UBASH3A: variants seen among roughly 807,000 people sequenced by gnomAD.
UBASH3A encodes the protein ubiquitin associated and SH3 domain containing A.
In UBASH3A, 63 loss-of-function variants were observed where a neutral mutation model predicts 73.5. The ratio of observed to expected loss-of-function variants is 0.86; its 90% CI spans 0.70 to 1.06. The LOEUF is 1.06. Among genes scored for constraint, UBASH3A ranks in the 50% least tolerant of loss-of-function variants. UBASH3A has a pLI of 0.00. For missense variants in UBASH3A, 860 were observed against 859.0 expected, an observed-to-expected ratio of 1.00 and a Z score of -0.02; for synonymous variants, 363 against 351.1, an observed-to-expected ratio of 1.03 and a Z score of -0.38.
Position 42,432,154 on chromosome 21 carries a change from G to C in UBASH3A, c.1222G>C (p.Asp408His). 6 of 1,613,788 alleles carry C rather than the reference G, an allele frequency of 3.7e-6. No homozygotes were observed. The highest frequency in any genetic ancestry group is 5.1e-6 in the Non-Finnish European group (6 of 1,179,852). Residue 408 changes from aspartate (D) to histidine (H), a missense_variant, in exon 9 of 15, where the codon GAT becomes CAT. Coordinates refer to ENST00000319294, the MANE Select transcript of UBASH3A (RefSeq NM_018961.4). ...VLVVRHGERV[D>H]QIFGKAWLQQ... ...GGTGGTTCGCCACGGGGAGAGAGTG[G>C]ATCAGATCTTCGGGAAGGCATGGCT... is the stretch of plus-strand genomic sequence containing the variant.
chr21:42,407,993 A>G (rs1489463750), intron 2 of UBASH3A, among the ~76,000 whole-genome samples: 1 of 152,252 alleles, frequency 6.6e-6, no homozygotes, highest in African/African-American at 2.4e-5. Flanking sequence ...ATGGTAGAGG[A>G]AAAATGCCAG....
chr21:42,429,448 C>G (rs997272503), intron 8 of UBASH3A, among the ~76,000 whole-genome samples: 4 of 152,154 alleles, frequency 2.6e-5, no homozygotes, highest in Admixed American at 1.3e-4. Flanking sequence ...TGTGGCAAAG[C>G]TCCACAGAAG....
chr21:42,404,654 C>T (rs1398637382), intron 1 of UBASH3A, among the ~76,000 whole-genome samples: 4 of 152,180 alleles, frequency 2.6e-5, no homozygotes, highest in Non-Finnish European at 4.4e-5. Flanking sequence ...CAAACTCTAA[C>T]GTGAAAGGCC....
At position 42,437,582 on chromosome 21, in the gene UBASH3A, TC is replaced by T; in HGVS notation, c.1486+3del. The T allele has an allele frequency of 6.2e-7, 1 of 1,614,010 alleles. No individual in the cohort carries two copies. The highest frequency in any genetic ancestry group is 1.3e-5 in the African/African-American group (1 of 75,032). On this transcript the variant is annotated splice_donor_region_variant and intron_variant, in intron 11 of 14. Transcript: ENST00000319294. ...AGACGGCCAAACTCATCCTGGAAGG[TC>T]AGTGAGAACCTCGGTGAGCCTCTCC...
At chr21:42,416,113 T>C (rs2053199508) in intron 5 of UBASH3A, among the ~76,000 whole-genome samples, 1 of 152,192 alleles carries the variant, frequency 6.6e-6, no homozygotes, top group Non-Finnish European at 1.5e-5. Flanking sequence ...AGCTCGGGCC[T>C]GCAAGTCCAG....
At chr21:42,443,104 G>A (rs958081404) in intron 12 of UBASH3A, 6 of 1,359,700 alleles carry the variant, frequency 4.4e-6, no homozygotes, top group African/African-American at 3.0e-5. Flanking sequence ...GAGCCCTCCT[G>A]GTGTTGAGTA....
chr21:42,416,760 C>T, intron 6 of UBASH3A, 149 bp downstream of exon 6: 2 of 799,562 alleles, frequency 2.5e-6, no homozygotes, highest in East Asian at 3.6e-5. Context: ...GGTGAAACCT[C>T]GTCTCTACTA....
intron 12 of UBASH3A, 107 bp downstream of exon 12, chr21:42,442,703 C>G (rs1601605516): frequency 8.0e-7 from 1 of 1,253,804 alleles, no homozygotes; most frequent in African/African-American, 1.5e-5. Flanking sequence ...CAAGAGGGAC[C>G]ACTGCAGTGG....
intron 8 of UBASH3A, among the ~76,000 whole-genome samples, chr21:42,429,037 C>T (rs566080084): frequency 3.3e-5 from 5 of 152,238 alleles, no homozygotes; most frequent in African/African-American, 9.6e-5. Context: ...GGCCCTAAAC[C>T]CCATCACAAG....
chr21:42,416,359 T>C (rs2053206451), intron 5 of UBASH3A, 83 bp from the exon 6 acceptor site: 2 of 1,415,878 alleles, frequency 1.4e-6, no homozygotes, highest in Non-Finnish European at 1.9e-6. Context: ...GCCCTTGCCT[T>C]GTGGAGGAAG....
At chr21:42,407,366 A>G (rs2086564302) in intron 2 of UBASH3A, among the ~76,000 whole-genome samples, 1 of 152,176 alleles carries the variant, frequency 6.6e-6, no homozygotes, top group Non-Finnish European at 1.5e-5. Context: ...CCTCCTCCAG[A>G]AAGTGTAGGC....
intron 11 of UBASH3A, among the ~76,000 whole-genome samples, chr21:42,439,360 C>T (rs955648484): frequency 2.0e-5 from 3 of 152,170 alleles, no homozygotes; most frequent in Non-Finnish European, 4.4e-5. Flanking sequence ...CAGGACCCCA[C>T]CCCTCTGCAC....
At position 42,413,810 on chromosome 21, in the gene UBASH3A, G is replaced by T. The variant is rs576658581; in HGVS notation, c.667+287G>T. Among the ~76,000 whole-genome samples, 4 of 152,178 alleles carry T rather than the reference G, an allele frequency of 2.6e-5. No homozygotes were observed. In the East Asian group the frequency reaches 7.7e-4, roughly 29 times the overall value. On this transcript the variant is annotated intron_variant, in intron 5 of 14. Coordinates refer to ENST00000319294, the MANE Select transcript of UBASH3A (RefSeq NM_018961.4). The surrounding 1 kb of genome is among the most constrained non-coding windows in gnomAD (Gnocchi z 4.5). ...AGTATGAGCTTAGTGCTCTCTCCTT[G>T]GCCTCTCCAGGGAAAGATTATTTAG... is the stretch of plus-strand genomic sequence containing the variant.
rs552187767 is a variant in UBASH3A, at chr21:42,418,437, G to C, written c.874G>C (p.Val292Leu). Residue 292 changes from valine to leucine, a missense_variant, in exon 7 of 15, where the codon GTG (valine) becomes CTG (leucine). Coordinates refer to ENST00000319294, the MANE Select transcript of UBASH3A (RefSeq NM_018961.4). ...CCTATTCCAGTACAAACCCCAGAAC[G>C]TGGATGAGCTGACGCTAAGTCCTGG... ...RALFQYKPQN[V>L]DELTLSPGDY... is the part of the protein sequence containing the mutation. 1.2e-6 allele frequency: 2 copies of C among 1,614,196 alleles called. No homozygotes were observed. Among genetic ancestry groups the C allele is most frequent in the Non-Finnish European group, 1.7e-6 (2 of 1,180,036 alleles).
chr21:42,440,992 T>C (rs2053730774), intron 11 of UBASH3A, among the ~76,000 whole-genome samples: 1 of 152,242 alleles, frequency 6.6e-6, no homozygotes, highest in Non-Finnish European at 1.5e-5. Flanking sequence ...CTTTCAAAAA[T>C]GTCTTTTGCC....
Position 42,444,596 on chromosome 21 carries a change from G to A in UBASH3A, c.1801G>A (p.Gly601Arg), listed in dbSNP as rs111279809. Reference protein sequence around the residue: ...TLDSCTRPLLGLPPRECGDFA... With the variant: ...TLDSCTRPLLRLPPRECGDFA... ...GGACTCCTGCACGCGGCCACTGCTCGGGCTGCCGCCCCGGGAATGTGGGGA... is the reference window on the plus strand; with the variant it reads ...GGACTCCTGCACGCGGCCACTGCTCAGGCTGCCGCCCCGGGAATGTGGGGA... The change falls in exon 14 of 15, where the codon GGG becomes AGG. Residue 601 changes from glycine to arginine, a missense_variant. Gly to Arg is a moderately radical substitution (Grantham distance 125). Coordinates refer to ENST00000319294, the MANE Select transcript of UBASH3A (RefSeq NM_018961.4). 57 of 1,614,180 alleles carry A rather than the reference G, an allele frequency of 3.5e-5. No individual in the cohort carries two copies. The highest frequency in any genetic ancestry group is 1.2e-4 in the African/African-American group (9 of 75,060).
chr21:42,422,634 A>G (rs1198972758), intron 7 of UBASH3A, among the ~76,000 whole-genome samples: 1 of 152,278 alleles, frequency 6.6e-6, no homozygotes, highest in African/African-American at 2.4e-5. Context: ...AAATTAAATT[A>G]TGACACATCC....
At chr21:42,440,052 C>T (rs1177622222) in intron 11 of UBASH3A, among the ~76,000 whole-genome samples, 1 of 152,030 alleles carries the variant, frequency 6.6e-6, no homozygotes, top group East Asian at 1.9e-4. Flanking sequence ...CACATACACC[C>T]CTTGGGGTTT....
At chr21:42,422,755 G>A (rs34122383) in intron 7 of UBASH3A, among the ~76,000 whole-genome samples, 14,182 of 152,168 alleles carry the variant, frequency 0.093, 804 homozygotes, top group East Asian at 0.28. Context: ...GTTGCAGAAC[G>A]ATGTGTATGG....
Sources: gnomAD v4.1 joint callset for allele counts (sites outside exome capture counted in the v4.1 genomes callset) on GRCh38, gnomAD v4.1.1 for gene constraint, Gnocchi (gnomAD v3.1) non-coding constraint, MANE v1.5 for transcripts, NCBI Gene and HGNC (gene_info 2026-07-23, HGNC 2026-07-21) for gene names.